Variants in METTL17 observed in about 807,000 individuals in gnomAD.
METTL17 encodes ribosome assembly protein METTL17, mitochondrial.
A neutral mutation model predicts 59.4 loss-of-function variants in METTL17; 49 were observed. The observed-to-expected ratio is 0.82, with a 90% CI of 0.66 to 1.05. METTL17 has a LOEUF of 1.05. METTL17 is among the 50% of genes least tolerant of loss of function. METTL17 has a pLI of 0.00. For synonymous variants in METTL17, 208 were observed against 209.2 expected (o/e 0.99, Z 0.05); for missense variants, 555 against 578.4 (o/e 0.96, Z 0.41).
chr14:20,992,449 C>A, intron 4 of METTL17, 92 bp from the exon 5 acceptor site: 1 of 1,068,388 alleles, frequency 9.4e-7, no homozygotes, highest in South Asian at 1.3e-5. Flanking sequence ...GCTGGAAGAG[C>A]CCTTTCCAAG....
rs570437599 is a variant in METTL17 at position 20,996,636 on chromosome 14, G to A, written c.1190G>A (p.Arg397His). 45 of 1,614,094 alleles carry A rather than the reference G, an allele frequency of 2.8e-5. No individual in the cohort carries two copies. In the Middle Eastern group the frequency reaches 6.6e-4, roughly 24 times the overall value. ...RITQPVLKRP[R>H]HVHCHLCCPD... Reference sequence around the variant, plus strand: ...ACTCAGCCTGTCCTTAAACGGCCTCGCCATGTGCATTGTCACTTGTGCTGT... The same window carrying A: ...ACTCAGCCTGTCCTTAAACGGCCTCACCATGTGCATTGTCACTTGTGCTGT... Residue 397 changes from arginine to histidine, a missense_variant, in exon 13 of 14, where the codon CGC becomes CAC. Transcript: ENST00000339374.
Position 20,990,323 on chromosome 14 carries a change from A to T in METTL17, c.169A>T (p.Lys57Ter). 6.2e-7 allele frequency: 1 copy of T among 1,614,176 alleles called. No homozygotes were observed. The highest frequency in any genetic ancestry group is 8.5e-7 in the Non-Finnish European group (1 of 1,180,016). Residue 57 changes from lysine (K) to a stop codon, truncating the protein, a stop_gained, in exon 2 of 14, where the codon AAG becomes TAG. Coordinates refer to ENST00000339374, the MANE Select transcript of METTL17 (RefSeq NM_022734.3). LOFTEE classifies it high-confidence loss of function. ...RPHRQHPGIL[K>*]LPHVRLPQAL... ...TCATCGCCAGCACCCTGGCATCCTA[A>T]AGCTGCCGCACGTGCGGCTGCCACA... is the stretch of plus-strand genomic sequence containing the variant.
intron 10 of METTL17, 98 bp from the exon 11 acceptor site, chr14:20,995,803 G>A (rs1594344479): frequency 1.8e-5 from 16 of 869,372 alleles, no homozygotes; most frequent in Non-Finnish European, 2.9e-5. Context: ...TATTAGAATT[G>A]AGTGTTAAAG....
Position 20,994,622 on chromosome 14 carries a change from C to G in METTL17, c.768+9C>G. ...TACCTGTATCACCCAAGGCAAGTGG[C>G]AGTGTTTAGAATATTCTAAATGTGG... On this transcript the variant is annotated intron_variant, in intron 8 of 13. Transcript: ENST00000339374. 4 of 1,612,932 alleles carry G rather than the reference C, an allele frequency of 2.5e-6. No individual in the cohort carries two copies. The highest frequency in any genetic ancestry group is 3.4e-6 in the Non-Finnish European group (4 of 1,178,898).
intron 6 of METTL17, 100 bp from the exon 7 acceptor site, chr14:20,993,869 C>G (rs1644393901): frequency 4.3e-6 from 3 of 694,988 alleles, no homozygotes; most frequent in Non-Finnish European, 7.5e-6. Flanking sequence ...TAACATAACA[C>G]TCTCTTTTCC....
Position 20,990,676 on chromosome 14 carries a change from ATC to A in METTL17, c.364+83_364+84del, listed in dbSNP as rs1449445099. 1.9e-6 allele frequency: 3 copies of A among 1,539,390 alleles called. No individual in the cohort carries two copies. The African/African-American group carries it at 4.2e-5, about 21-fold the overall frequency. The stretch of plus-strand genomic sequence containing the variant: ...ATGAAGAGTAAGAAATAATTCTACA[ATC>A]TCTCAGATACTGAAGTCTCTTATTT... On this transcript the variant is annotated intron_variant, in intron 3 of 13. Transcript: ENST00000339374.
At chr14:20,992,836 C>CCGAGAT in intron 5 of METTL17, 2 of 606,876 alleles carry the variant, frequency 3.3e-6, no homozygotes, top group Non-Finnish European at 2.9e-6. Flanking sequence ...CTGCAGTGAG[C>CCGAGAT]TGTGATCTCC....
rs1393788861 is a variant in METTL17, at chr14:20,990,546, G to A, written c.312G>A (p.Glu104=). ...LWSRHLPVEP[E]ELQRRARHLE... ...GCAGACATTTGCCTGTAGAGCCAGA[G>A]GAGTTGCAAAGACGGGCTAGGCATC... Residue 104 remains glutamate, a synonymous_variant, in exon 3 of 14, where the codon GAG becomes GAA. Coordinates refer to ENST00000339374, the MANE Select transcript of METTL17 (RefSeq NM_022734.3). 1 of 1,614,250 alleles carries A rather than the reference G, an allele frequency of 6.2e-7. No homozygotes were observed. Among genetic ancestry groups the A allele is most frequent in the Non-Finnish European group, 8.5e-7 (1 of 1,180,050 alleles).
intron 4 of METTL17, 39 bp downstream of exon 4, chr14:20,992,244 T>C (rs956623767): frequency 7.6e-7 from 1 of 1,319,066 alleles, no homozygotes. Context: ...AAAGCAAAGG[T>C]AGACTTTAGA....
rs777123234 is a variant in METTL17, at chr14:20,990,374, T to C, written c.220T>C (p.Leu74=). The C allele has an allele frequency of 1.9e-6, 3 of 1,613,958 alleles. No homozygotes were observed. The highest frequency in any genetic ancestry group is 1.7e-5 in the Admixed American group (1 of 59,986). ...GGCACTGGCTAACGGTGCCCAGTTA[T>C]TGCTACTTGGTGAGTAACGGCGGGA... The part of the protein sequence containing the change: ...PQALANGAQL[L]LLGSAGPTME... Residue 74 remains leucine, a synonymous_variant, in exon 2 of 14, where the codon TTG becomes CTG. Coordinates refer to ENST00000339374, the MANE Select transcript of METTL17 (RefSeq NM_022734.3).
intron 5 of METTL17, 188 bp from the exon 6 acceptor site, chr14:20,992,930 G>A: frequency 1.6e-6 from 1 of 619,192 alleles, no homozygotes; most frequent in Admixed American, 2.9e-5. Flanking sequence ...TCCTGTGAAA[G>A]CTTTCTGTGA....
chr14:20,990,430 G>A, intron 2 of METTL17, 34 bp from the exon 3 acceptor site: 1 of 1,613,792 alleles, frequency 6.2e-7, no homozygotes, highest in Non-Finnish European at 8.5e-7. Flanking sequence ...GGACCTACAT[G>A]CAAGTGATTC....
At chr14:20,991,070 C>T (rs1462518571) in intron 3 of METTL17, among the ~76,000 whole-genome samples, 2 of 152,094 alleles carry the variant, frequency 1.3e-5, no homozygotes, top group Non-Finnish European at 2.9e-5. Flanking sequence ...TCAGGTGATC[C>T]GCCCACCTTG....
chr14:20,994,696 A>G, intron 8 of METTL17, 83 bp downstream of exon 8: 2 of 1,525,286 alleles, frequency 1.3e-6, no homozygotes, highest in Non-Finnish European at 9.1e-7. Context: ...CCCAGCACTG[A>G]GTGTTAGAAG....
chr14:20,995,297 A>G (rs937395543), intron 10 of METTL17, 64 bp downstream of exon 10: 2 of 1,423,288 alleles, frequency 1.4e-6, no homozygotes, highest in Non-Finnish European at 2.0e-6. Context: ...CTCTCTTGAA[A>G]ACGAAAGAGA....
Position 20,993,979 on chromosome 14 carries a change from A to G in METTL17, c.613A>G (p.Ser205Gly), listed in dbSNP as rs754520703. ...GTGSVTWAAH[S>G]IWGQSLREYM... is the part of the protein sequence containing the mutation. ...ATTTTGCCATCTTAGGGCTGCTCAC[A>G]GTATTTGGGGCCAGAGCCTACGTGA... The change falls in exon 7 of 14, where the codon AGT becomes GGT. Residue 205 changes from serine (S) to glycine (G), a missense_variant. By Grantham distance (56) the Ser-to-Gly change is moderately conservative. Transcript: ENST00000339374. The G allele has an allele frequency of 3.7e-6, 6 of 1,613,402 alleles. No individual in the cohort carries two copies. Among genetic ancestry groups the G allele is most frequent in the Non-Finnish European group, 5.1e-6 (6 of 1,179,682 alleles).
chr14:20,992,248 C>A, intron 4 of METTL17, 43 bp downstream of exon 4: 1 of 1,282,064 alleles, frequency 7.8e-7, no homozygotes, highest in Non-Finnish European at 1.1e-6. Context: ...CAAAGGTAGA[C>A]TTTAGAAAGA....
At chr14:20,994,096 G>T (rs904534452) in intron 7 of METTL17, 33 bp downstream of exon 7, 1 of 1,531,304 alleles carries the variant, frequency 6.5e-7, no homozygotes, top group Non-Finnish European at 9.0e-7. Context: ...AGTTGAGGGA[G>T]TTAAGAAAGC....
chr14:20,995,982 C>G (rs148336939), intron 11 of METTL17, 31 bp downstream of exon 11: 9 of 1,611,372 alleles, frequency 5.6e-6, no homozygotes, highest in Non-Finnish European at 7.6e-6. Context: ...TCCCACCACA[C>G]GGATCTGAAC....
Sources: gnomAD v4.1 joint callset for allele counts (sites outside exome capture counted in the v4.1 genomes callset) on GRCh38, gnomAD v4.1.1 for gene constraint, MANE v1.5 for transcripts, NCBI Gene and HGNC (gene_info 2026-07-23, HGNC 2026-07-21) for gene names.